DYNC1I1: variants seen among roughly 807,000 people sequenced by gnomAD.
DYNC1I1 encodes dynein cytoplasmic 1 intermediate chain 1.
Under a neutral mutation model 86.6 loss-of-function variants are expected in DYNC1I1, and 43 were observed. The ratio of observed to expected loss-of-function variants is 0.50; its 90% CI spans 0.39 to 0.64. DYNC1I1 has a LOEUF of 0.64. DYNC1I1 is among the 30% of genes least tolerant of loss of function. The pLI is 0.00. For missense variants in DYNC1I1, 604 were observed against 788.8 expected, an observed-to-expected ratio of 0.77 and a Z score of 2.81; for synonymous variants, 262 against 283.7, an observed-to-expected ratio of 0.92 and a Z score of 0.77.
At chr7:95,838,530 G>A (rs915548507) in intron 5 of DYNC1I1, among the ~76,000 whole-genome samples, 1 of 152,044 alleles carries the variant, frequency 6.6e-6, no homozygotes, top group African/African-American at 2.4e-5. Flanking sequence ...AGGTCTTTTG[G>A]GGTTCCATAT....
chr7:96,033,095 T>G (rs1044175030), intron 12 of DYNC1I1, among the ~76,000 whole-genome samples: 2 of 152,334 alleles, frequency 1.3e-5, no homozygotes, highest in East Asian at 3.9e-4. Context: ...ACAGCATTGT[T>G]GAACAGATGC....
chr7:95,824,192 G>C lies in DYNC1I1; in HGVS notation c.315-3865G>C, dbSNP rs1034278550. On this transcript the variant is annotated intron_variant, in intron 4 of 16. Transcript: ENST00000447467. ...TTTTTTGTAGATGCAGAGTTTCGTC[G>C]TGTCGCCCAGGCTGGTCTTGGAACC... is the stretch of plus-strand genomic sequence containing the variant. 3.3e-5 allele frequency among the ~76,000 whole-genome samples: 5 copies of C among 151,012 alleles called. No individual in the cohort carries two copies. The South Asian group carries it at 8.4e-4, about 25-fold the overall frequency.
chr7:95,837,982 T>A (rs1020894056), intron 5 of DYNC1I1, among the ~76,000 whole-genome samples: 1 of 152,242 alleles, frequency 6.6e-6, no homozygotes, highest in African/African-American at 2.4e-5. Flanking sequence ...TTCGGCCATC[T>A]TGGCTCCTCC....
intron 5 of DYNC1I1, among the ~76,000 whole-genome samples, chr7:95,845,409 A>G (rs1315103326): frequency 6.6e-6 from 1 of 152,238 alleles, no homozygotes; most frequent in African/African-American, 2.4e-5. Flanking sequence ...CATTTGCCTA[A>G]CAGAACAGAT....
chr7:95,778,651 T>TTTTA (rs149402071), intron 1 of DYNC1I1, among the ~76,000 whole-genome samples: 1,740 of 151,812 alleles, frequency 0.011, 18 homozygotes, highest in Non-Finnish European at 0.016. Flanking sequence ...TTCTTTTTAG[T>TTTTA]TTTATTTATT....
intron 7 of DYNC1I1, among the ~76,000 whole-genome samples, chr7:95,983,667 C>G (rs1793511712): frequency 6.6e-6 from 1 of 152,146 alleles, no homozygotes; most frequent in Non-Finnish European, 1.5e-5. Flanking sequence ...TATTGTGCTA[C>G]AGGTGATAGT....
At chr7:95,774,778 A>G (rs1193782218) in intron 1 of DYNC1I1, among the ~76,000 whole-genome samples, 2 of 152,202 alleles carry the variant, frequency 1.3e-5, no homozygotes, top group African/African-American at 4.8e-5. Context: ...CTGTCCATAA[A>G]AACAGCGATG....
At chr7:95,823,636 T>G (rs1440405959) in intron 4 of DYNC1I1, among the ~76,000 whole-genome samples, 1 of 151,978 alleles carries the variant, frequency 6.6e-6, no homozygotes, top group African/African-American at 2.4e-5. Context: ...CTGTCATAGT[T>G]AAACATTCAG....
chr7:95,939,218 T>C (rs1159033855), intron 6 of DYNC1I1, among the ~76,000 whole-genome samples: 1 of 152,200 alleles, frequency 6.6e-6, no homozygotes, highest in East Asian at 1.9e-4. Context: ...TACTTCCAAC[T>C]ATGTGGTCAA....
intron 6 of DYNC1I1, among the ~76,000 whole-genome samples, chr7:95,901,037 A>G (rs1402545066): frequency 6.6e-6 from 1 of 152,210 alleles, no homozygotes; most frequent in African/African-American, 2.4e-5. Flanking sequence ...ACAAACAAAC[A>G]TGGCATCCTC....
chr7:95,997,588 T>TGC (rs1208547613), intron 10 of DYNC1I1, among the ~76,000 whole-genome samples: 12 of 119,214 alleles, frequency 1.0e-4, no homozygotes, highest in African/African-American at 5.1e-4. Flanking sequence ...CATTCTTGTG[T>TGC]GTGTGTGTGT....
At chr7:95,910,835 A>G (rs959285077) in intron 6 of DYNC1I1, among the ~76,000 whole-genome samples, 1 of 152,198 alleles carries the variant, frequency 6.6e-6, no homozygotes, top group Non-Finnish European at 1.5e-5. Flanking sequence ...GATCATACAT[A>G]CATGTAGCTC....
intron 6 of DYNC1I1, among the ~76,000 whole-genome samples, chr7:95,941,238 G>C (rs576503707): frequency 2.0e-5 from 3 of 152,018 alleles, no homozygotes; most frequent in African/African-American, 7.2e-5. Flanking sequence ...TAGGCTGCTT[G>C]GGGGTCAGGG....
intron 6 of DYNC1I1, among the ~76,000 whole-genome samples, chr7:95,885,939 A>T (rs1267917695): frequency 6.6e-6 from 1 of 152,204 alleles, no homozygotes; most frequent in African/African-American, 2.4e-5. Context: ...GATGAAAATA[A>T]TCTCTCTGAA....
chr7:95,813,836 G>A (rs1794888145), intron 4 of DYNC1I1, among the ~76,000 whole-genome samples: 1 of 152,058 alleles, frequency 6.6e-6, no homozygotes, highest in Non-Finnish European at 1.5e-5. Context: ...ATTATTATTG[G>A]TAGTAGTAGT....
chr7:95,774,518 C>G (rs1005740833), intron 1 of DYNC1I1, among the ~76,000 whole-genome samples: 11 of 152,038 alleles, frequency 7.2e-5, no homozygotes, highest in Non-Finnish European at 1.2e-4. Flanking sequence ...AGAAAATAAA[C>G]TCGACCCGCA....
At chr7:96,071,871 A>C (rs1415652426) in intron 14 of DYNC1I1, among the ~76,000 whole-genome samples, 1 of 152,208 alleles carries the variant, frequency 6.6e-6, no homozygotes, top group African/African-American at 2.4e-5. Context: ...TAGAGGTAAC[A>C]GATCTATTGT....
At chr7:96,102,621 T>G (rs1287872248), downstream of DYNC1I1, among the ~76,000 whole-genome samples, 1 of 152,130 alleles carries the variant, frequency 6.6e-6, no homozygotes, top group African/African-American at 2.4e-5. Context: ...ATGCACAACT[T>G]TGGGTGAGGC....
intron 6 of DYNC1I1, among the ~76,000 whole-genome samples, chr7:95,948,508 C>T (rs1792465809): frequency 6.6e-6 from 1 of 152,114 alleles, no homozygotes; most frequent in South Asian, 2.1e-4. Context: ...GCTTTGTTAA[C>T]CTCAATGGTT....
Sources: gnomAD v4.1 joint callset for allele counts (sites outside exome capture counted in the v4.1 genomes callset) on GRCh38, gnomAD v4.1.1 for gene constraint, MANE v1.5 for transcripts, NCBI Gene and HGNC (gene_info 2026-07-23, HGNC 2026-07-21) for gene names.